RBPMS: variants seen among roughly 807,000 people sequenced by gnomAD.
RBPMS encodes RNA-binding protein with multiple splicing.
RBPMS carries 7 observed loss-of-function variants against 26.8 expected under a neutral mutation model. That is an observed-to-expected ratio of 0.26 (90% CI 0.15 to 0.49). RBPMS has a LOEUF of 0.49. RBPMS is among the 20% of genes least tolerant of loss of function. The pLI is 0.98. For missense variants in RBPMS, 186 were observed against 250.0 expected (o/e 0.74, Z 1.73); for synonymous variants, 96 against 93.3 (o/e 1.03, Z -0.17).
chr8:30,385,134 C>G lies in RBPMS; in HGVS notation c.42C>G (p.Ser14Arg). The change falls in exon 1 of 9, where the codon AGC becomes AGG. Residue 14 changes from serine to arginine, a missense_variant. Coordinates refer to ENST00000397323, the MANE Select transcript of RBPMS (RefSeq NM_001008710.3). ...AAGCCGAGAAGGAGAACACCCCGAG[C>G]GAGGCCAACCTTCAGGAGGAGGAGG... ...GGKAEKENTP[S>R]EANLQEEEVR... 6.6e-7 allele frequency: 1 copy of G among 1,526,052 alleles called. No homozygotes were observed. Among genetic ancestry groups the G allele is most frequent in the Non-Finnish European group, 8.8e-7 (1 of 1,138,052 alleles). 94.5% of individuals were successfully genotyped at this position (1,526,052 alleles called of 1,614,324 possible).
chr8:30,496,537 G>A (rs979066643), intron 4 of RBPMS, among the ~76,000 whole-genome samples: 1 of 152,184 alleles, frequency 6.6e-6, no homozygotes, highest in African/African-American at 2.4e-5. Flanking sequence ...AACCATGGCT[G>A]AGAACTAGGC....
In RBPMS at chr8:30,571,562, A is replaced by ATGTT. The variant is rs1828252170; in HGVS notation, c.*1044_*1047dup. The ATGTT allele has an allele frequency of 6.6e-6, 1 of 152,222 alleles. No individual in the cohort carries two copies. The highest frequency in any genetic ancestry group is 6.5e-5 in the Admixed American group (1 of 15,286). 9.4% of individuals were successfully genotyped at this position (152,222 alleles called of 1,614,324 possible). On this transcript the variant is annotated 3_prime_UTR_variant, in exon 9 of 9. Coordinates refer to ENST00000397323, the MANE Select transcript of RBPMS (RefSeq NM_001008710.3). ...AGCTCATGTCTGTATCTCCAAAGTG[A>ATGTT]TGTTTGTTTGCAAAACACCGGCTGA...
At position 30,427,550 on chromosome 8, in the gene RBPMS, C is replaced by A. The variant is rs557329268; in HGVS notation, c.66+42392C>A. ...GATCAAATGGAAGCCTCGCTGAACTCCCCTGGCAAACTCTCTCTCTTCCTG... is the reference window on the plus strand; with the variant it reads ...GATCAAATGGAAGCCTCGCTGAACTACCCTGGCAAACTCTCTCTCTTCCTG... On this transcript the variant is annotated intron_variant, in intron 1 of 8. Transcript: ENST00000397323. Among the ~76,000 whole-genome samples, 7 of 152,348 alleles carry A rather than the reference C, an allele frequency of 4.6e-5. No homozygotes were observed. The East Asian group carries it at 1.3e-3, about 29-fold the overall frequency.
At chr8:30,495,216 A>G (rs1396073012) in intron 4 of RBPMS, among the ~76,000 whole-genome samples, 2 of 152,178 alleles carry the variant, frequency 1.3e-5, no homozygotes, top group African/African-American at 2.4e-5. Flanking sequence ...TTACTAAAAC[A>G]TTCAAAAGAG....
chr8:30,466,023 C>CCATTAT (rs1342799690), intron 1 of RBPMS, among the ~76,000 whole-genome samples: 3 of 152,182 alleles, frequency 2.0e-5, no homozygotes, highest in Non-Finnish European at 2.9e-5. Context: ...CATTAGTCTT[C>CCATTAT]CTTCTTCCCA....
At position 30,385,036 on chromosome 8, in the gene RBPMS, C is replaced by T; in HGVS notation, c.-57C>T. ...GGGAAGGCTCCAGTGGGCTAGCGCG[C>T]CCTCGCCCAGCCCCGCGCCCCAGCC... is the stretch of plus-strand genomic sequence containing the variant. On this transcript the variant is annotated 5_prime_UTR_variant, in exon 1 of 9. Coordinates refer to ENST00000397323, the MANE Select transcript of RBPMS (RefSeq NM_001008710.3). The T allele has an allele frequency of 7.8e-6, 11 of 1,402,380 alleles. No individual in the cohort carries two copies. The highest frequency in any genetic ancestry group is 1.0e-5 in the Non-Finnish European group (11 of 1,051,404). 86.9% of individuals were successfully genotyped at this position (1,402,380 alleles called of 1,614,324 possible).
chr8:30,557,782 G>T (rs532117488), intron 6 of RBPMS, among the ~76,000 whole-genome samples: 1 of 152,230 alleles, frequency 6.6e-6, no homozygotes. Context: ...AGTGGGAGGC[G>T]GGCATCTCTT....
chr8:30,551,015 C>T (rs760757791), intron 6 of RBPMS, among the ~76,000 whole-genome samples: 1 of 152,212 alleles, frequency 6.6e-6, no homozygotes, highest in Non-Finnish European at 1.5e-5. Context: ...TCCCACAGTC[C>T]TTCTGCTAGT....
At chr8:30,387,514 T>C (rs1405939359) in intron 1 of RBPMS, among the ~76,000 whole-genome samples, 2 of 152,158 alleles carry the variant, frequency 1.3e-5, no homozygotes, top group African/African-American at 4.8e-5. Flanking sequence ...CCACCCATTG[T>C]ATCAGCAACT....
chr8:30,412,483 G>A lies in RBPMS; in HGVS notation c.66+27325G>A, dbSNP rs117573039. Among the ~76,000 whole-genome samples the A allele has an allele frequency of 1.4e-3, 213 of 150,880 alleles. 6 individuals are homozygous for A. The East Asian group carries it at 0.038, about 27-fold the overall frequency. ...TTTTGTAATTATTAGTGTCAGTCTC[G>A]CACGTACTTTCCCCCCAACTTTACT... On this transcript the variant is annotated intron_variant, in intron 1 of 8. Transcript: ENST00000397323.
At chr8:30,446,859 G>GC (rs1191162236) in intron 1 of RBPMS, 1 of 147,992 alleles carries the variant, frequency 6.8e-6, no homozygotes, top group African/African-American at 2.6e-5. Context: ...GCGCGCGCGC[G>GC]GTGGAGGGTA....
chr8:30,467,017 T>G (rs1267256500), intron 1 of RBPMS, among the ~76,000 whole-genome samples: 2 of 152,182 alleles, frequency 1.3e-5, no homozygotes, highest in Non-Finnish European at 2.9e-5. Context: ...GTCCAATAGG[T>G]GACCATTATC....
chr8:30,504,558 G>A, intron 5 of RBPMS, 122 bp downstream of exon 5: 1 of 973,648 alleles, frequency 1.0e-6, no homozygotes, highest in Non-Finnish European at 1.5e-6. Context: ...CTGTGAAGAG[G>A]TTGCCTAGGC....
intron 4 of RBPMS, among the ~76,000 whole-genome samples, chr8:30,485,024 A>G (rs1378555337): frequency 6.6e-6 from 1 of 152,234 alleles, no homozygotes; most frequent in Non-Finnish European, 1.5e-5. Context: ...AGCATTTGCA[A>G]ATGCTCTGTA....
intron 7 of RBPMS, among the ~76,000 whole-genome samples, chr8:30,562,880 A>C (rs554763241): frequency 3.3e-5 from 5 of 152,274 alleles, no homozygotes; most frequent in African/African-American, 1.2e-4. Context: ...TCATTTATCT[A>C]CTTGGACTTC....
At chr8:30,456,191 G>A (rs994801315) in intron 1 of RBPMS, among the ~76,000 whole-genome samples, 4 of 152,250 alleles carry the variant, frequency 2.6e-5, no homozygotes, top group Middle Eastern at 3.4e-3. Flanking sequence ...GTTTTTTAGC[G>A]TTTCTAGTTT....
intron 4 of RBPMS, among the ~76,000 whole-genome samples, chr8:30,492,424 A>G (rs970494787): frequency 6.6e-6 from 1 of 152,022 alleles, no homozygotes; most frequent in African/African-American, 2.4e-5. Context: ...TAAAGAGCTG[A>G]CACCACGCTT....
chr8:30,425,558 C>T (rs1012396419), intron 1 of RBPMS, among the ~76,000 whole-genome samples: 3 of 151,982 alleles, frequency 2.0e-5, no homozygotes, highest in Middle Eastern at 3.2e-3. Context: ...TGCCACCACG[C>T]CCCGCTAAAT....
chr8:30,444,058 G>A (rs912311841), intron 1 of RBPMS, among the ~76,000 whole-genome samples: 6 of 152,032 alleles, frequency 3.9e-5, no homozygotes, highest in African/African-American at 4.8e-5. Context: ...CACCATGCCC[G>A]GCTAATTTTT....
Sources: gnomAD v4.1 joint callset for allele counts (sites outside exome capture counted in the v4.1 genomes callset) on GRCh38, gnomAD v4.1.1 for gene constraint, MANE v1.5 for transcripts, NCBI Gene and HGNC (gene_info 2026-07-23, HGNC 2026-07-21) for gene names.